MEGF9: variants seen among roughly 807,000 people sequenced by gnomAD.
MEGF9 encodes the protein multiple epidermal growth factor-like domains protein 9.
MEGF9 carries 6 observed loss-of-function variants against 46.8 expected under a neutral mutation model. The observed-to-expected ratio is 0.13, with a 90% CI of 0.07 to 0.25. The LOEUF (loss-of-function observed/expected upper bound fraction) is 0.25, where lower values mean the gene tolerates loss of function less well. MEGF9 is among the 10% of genes least tolerant of loss of function. MEGF9 has a pLI of 1.00. For synonymous variants in MEGF9, 302 were observed against 330.7 expected (o/e 0.91, Z 0.94); for missense variants, 683 against 792.4 (o/e 0.86, Z 1.66).
chr9:120,653,022 A>G (rs938885829), intron 2 of MEGF9, among the ~76,000 whole-genome samples: 1 of 152,180 alleles, frequency 6.6e-6, no homozygotes, highest in Non-Finnish European at 1.5e-5. Context: ...ACCAATTTCA[A>G]ATTCCGCTCC....
intron 1 of MEGF9, among the ~76,000 whole-genome samples, chr9:120,666,482 C>T (rs184469108): frequency 2.6e-5 from 4 of 152,128 alleles, no homozygotes; most frequent in African/African-American, 9.7e-5. Context: ...CTAAAATACA[C>T]AAACAAAAAA....
chr9:120,699,154 TGATA>T (rs2043891629), intron 1 of MEGF9, among the ~76,000 whole-genome samples: 1 of 152,220 alleles, frequency 6.6e-6, no homozygotes, highest in African/African-American at 2.4e-5. Flanking sequence ...TTTGGTGACA[TGATA>T]AATAATTTAA....
chr9:120,689,681 C>T (rs781280206), intron 1 of MEGF9, among the ~76,000 whole-genome samples: 18 of 152,146 alleles, frequency 1.2e-4, no homozygotes, highest in Non-Finnish European at 1.9e-4. Flanking sequence ...TAGTTTTTCC[C>T]CTATTGTAGT....
At chr9:120,642,338 C>T (rs2043606818) in intron 2 of MEGF9, among the ~76,000 whole-genome samples, 1 of 152,218 alleles carries the variant, frequency 6.6e-6, no homozygotes, top group Non-Finnish European at 1.5e-5. Context: ...GAGATGCTCA[C>T]ACTGCCATAT....
At chr9:120,670,109 C>A (rs16910011) in intron 1 of MEGF9, among the ~76,000 whole-genome samples, 2,411 of 152,062 alleles carry the variant, frequency 0.016, 63 homozygotes, top group African/African-American at 0.055. Context: ...ATTCTAAACA[C>A]CCTTATTCTC....
chr9:120,643,711 CTT>C (rs905342541), intron 2 of MEGF9, among the ~76,000 whole-genome samples: 1 of 141,484 alleles, frequency 7.1e-6, no homozygotes, highest in Non-Finnish European at 1.6e-5. Flanking sequence ...TTTTTTTTTT[CTT>C]TTTTTTTTTG....
At chr9:120,694,002 CAT>C (rs2043862832) in intron 1 of MEGF9, among the ~76,000 whole-genome samples, 1 of 151,696 alleles carries the variant, frequency 6.6e-6, no homozygotes, top group South Asian at 2.1e-4. Flanking sequence ...GGGTAAAATG[CAT>C]ACTTTCTACT....
intron 1 of MEGF9, among the ~76,000 whole-genome samples, chr9:120,688,167 ACACG>A (rs1223894381): frequency 1.1e-4 from 15 of 141,958 alleles, no homozygotes; most frequent in African/African-American, 3.0e-4. Context: ...ACACACACAC[ACACG>A]CACGCACACA....
At chr9:120,690,010 A>G (rs2043841452) in intron 1 of MEGF9, 1 of 524,476 alleles carries the variant, frequency 1.9e-6, no homozygotes, top group Non-Finnish European at 3.9e-6. Flanking sequence ...ATAAACAAAG[A>G]CAGACAATGA....
intron 2 of MEGF9, among the ~76,000 whole-genome samples, chr9:120,628,634 G>T (rs1188298256): frequency 6.6e-6 from 1 of 151,984 alleles, no homozygotes; most frequent in Non-Finnish European, 1.5e-5. Context: ...GAGGTGGGTT[G>T]TTACAGAAGA....
intron 1 of MEGF9, chr9:120,691,553 G>C (rs2043848794): frequency 3.5e-6 from 1 of 283,636 alleles, no homozygotes; most frequent in Non-Finnish European, 7.6e-6. Context: ...AAGTTGGATA[G>C]TTTAAACGCA....
In MEGF9 at chr9:120,606,170, C is replaced by CAA. The variant is rs533329431; in HGVS notation, c.1358-531_1358-530dup. On this transcript the variant is annotated intron_variant, in intron 5 of 5. Transcript: ENST00000373930. ...TCGGTGACAGAGCGAGACTCTGTCT[C>CAA]AAAAAAAAAAAAAAAAAAAATCTTT... Among the ~76,000 whole-genome samples the CAA allele has an allele frequency of 1.6e-3, 108 of 65,944 alleles. No individual in the cohort carries two copies. In the South Asian group the frequency reaches 0.023, roughly 14 times the overall value. The allele number at this position is 65,944 out of a possible 152,430, so 43.3% of individuals were successfully genotyped here.
Position 120,603,884 on chromosome 9 carries a change from T to C in MEGF9, c.*1306A>G, listed in dbSNP as rs2043408355. The C allele has an allele frequency of 6.6e-6, 1 of 152,628 alleles. No homozygotes were observed. The highest frequency in any genetic ancestry group is 2.4e-5 in the African/African-American group (1 of 41,454). The allele number at this position is 152,628 out of a possible 1,614,324, so 9.5% of individuals were successfully genotyped here. A position where few individuals can be genotyped will look rare whatever the true frequency, so the allele number is the denominator to read the frequency against. On this transcript the variant is annotated 3_prime_UTR_variant, in exon 6 of 6. Transcript: ENST00000373930. ...CTATGTTCACATGTAGGAGATTTTT[T>C]ATTTGGGGTGAGGGAGGATTATAAA... is the stretch of plus-strand genomic sequence containing the variant.
intron 1 of MEGF9, among the ~76,000 whole-genome samples, chr9:120,684,935 C>T (rs532126897): frequency 6.6e-6 from 1 of 151,942 alleles, no homozygotes; most frequent in Non-Finnish European, 1.5e-5. Flanking sequence ...CCAGGGTTCA[C>T]GCCATTCTCC....
chr9:120,624,655 T>A (rs532914777), intron 2 of MEGF9, among the ~76,000 whole-genome samples: 1 of 151,912 alleles, frequency 6.6e-6, no homozygotes, highest in South Asian at 2.1e-4. Context: ...TCACTTGAGG[T>A]CACAAGTTCA....
chr9:120,643,002 T>C (rs1374567647), intron 2 of MEGF9, among the ~76,000 whole-genome samples: 1 of 152,192 alleles, frequency 6.6e-6, no homozygotes, highest in African/African-American at 2.4e-5. Context: ...GCCATAATAA[T>C]GGAATTTATA....
intron 2 of MEGF9, among the ~76,000 whole-genome samples, chr9:120,653,381 T>A (rs2043662418): frequency 6.6e-6 from 1 of 151,072 alleles, no homozygotes; most frequent in South Asian, 2.1e-4. Context: ...TTTATTTATT[T>A]TTTTTTTTGA....
intron 2 of MEGF9, among the ~76,000 whole-genome samples, chr9:120,644,044 A>G (rs140061704): frequency 1.0e-3 from 153 of 152,318 alleles, no homozygotes; most frequent in Non-Finnish European, 1.6e-3. Flanking sequence ...TAATCAGGAC[A>G]TATTTATCAA....
At chr9:120,612,375 A>G (rs547057915) in intron 4 of MEGF9, 21 bp downstream of exon 4, 4 of 1,590,752 alleles carry the variant, frequency 2.5e-6, no homozygotes, top group East Asian at 2.2e-5. Context: ...TCTAAAATGA[A>G]AAGTTAGAGA....
Sources: gnomAD v4.1 joint callset for allele counts (sites outside exome capture counted in the v4.1 genomes callset) on GRCh38, gnomAD v4.1.1 for gene constraint, MANE v1.5 for transcripts, NCBI Gene and HGNC (gene_info 2026-07-23, HGNC 2026-07-21) for gene names.